The following RARB variants were observed in gnomAD, a reference collection of about 807,000 sequenced individuals.
The protein encoded by RARB is retinoic acid receptor beta.
In RARB, 17 loss-of-function variants were observed where a neutral mutation model predicts 51.9. The ratio of observed to expected loss-of-function variants is 0.33; its 90% CI spans 0.22 to 0.49. The LOEUF is 0.49. Ranked by LOEUF, RARB falls within the 20% of genes least tolerant of loss-of-function variation. The pLI, the probability that RARB is intolerant of heterozygous loss-of-function variation, is 0.99. For missense variants in RARB, 369 were observed against 550.8 expected (o/e 0.67, Z 3.30); for synonymous variants, 215 against 195.4 (o/e 1.10, Z -0.84).
chr3:25,546,681 G>C (rs1023066541), intron 3 of RARB, among the ~76,000 whole-genome samples: 6 of 152,032 alleles, frequency 3.9e-5, no homozygotes, highest in Admixed American at 1.3e-4. Flanking sequence ...GGTCACTGCA[G>C]ACAATTTGGA....
At chr3:25,474,749 T>G (rs894912453) in intron 2 of RARB, among the ~76,000 whole-genome samples, 2 of 152,214 alleles carry the variant, frequency 1.3e-5, no homozygotes, top group African/African-American at 4.8e-5. Context: ...ATTAAGTGAT[T>G]CTGCTAATTC....
Position 24,860,729 on chromosome 3 carries a change from T to C in RARB, c.-380+1977T>C, listed in dbSNP as rs148798559. 1.8e-3 allele frequency among the ~76,000 whole-genome samples: 268 copies of C among 152,268 alleles called. 1 individual carries two copies. Among genetic ancestry groups the C allele is most frequent in the African/African-American group, 6.3e-3 (261 of 41,540 alleles). ...AGAATACCCCCTAAGTATGTTGAAA[T>C]TGAGACTATTTAAAAAGGAAAGCAT... On this transcript the variant is annotated intron_variant, in intron 2 of 11. Coordinates refer to the RARB transcript ENST00000383772.
chr3:25,277,032 T>C (rs1703406481), intron 5 of RARB, among the ~76,000 whole-genome samples: 1 of 152,098 alleles, frequency 6.6e-6, no homozygotes, highest in Admixed American at 6.6e-5. Context: ...TTAAAAGAAA[T>C]AGGAATGAGG....
intron 2 of RARB, among the ~76,000 whole-genome samples, chr3:24,956,843 G>A (rs1696026936): frequency 6.6e-6 from 1 of 152,160 alleles, no homozygotes; most frequent in South Asian, 2.1e-4. Flanking sequence ...GAAGGTTATT[G>A]GAAAGTTCCT....
chr3:25,003,606 T>C (rs1028715517), intron 2 of RARB, among the ~76,000 whole-genome samples: 3 of 152,136 alleles, frequency 2.0e-5, no homozygotes, highest in African/African-American at 7.2e-5. Flanking sequence ...TTCTATGTGT[T>C]AGACACTCAT....
intron 2 of RARB, among the ~76,000 whole-genome samples, chr3:25,001,335 T>C (rs1037720096): frequency 2.0e-5 from 3 of 152,204 alleles, no homozygotes; most frequent in African/African-American, 7.2e-5. Flanking sequence ...TTCAAGAATG[T>C]GAAGGCATTC....
chr3:25,531,952 A>G (rs989617109), intron 3 of RARB, among the ~76,000 whole-genome samples: 1 of 116,356 alleles, frequency 8.6e-6, no homozygotes, highest in Admixed American at 1.2e-4. Flanking sequence ...TGTTCAGGAT[A>G]TTTGGACCTA....
intron 2 of RARB, among the ~76,000 whole-genome samples, chr3:24,909,691 A>G (rs2125378236): frequency 6.6e-6 from 1 of 151,350 alleles, no homozygotes; most frequent in East Asian, 1.9e-4. Context: ...TTTACTAGGG[A>G]TTCATCCTGT....
At chr3:25,061,768 T>C (rs1320759877) in intron 3 of RARB, among the ~76,000 whole-genome samples, 5 of 151,800 alleles carry the variant, frequency 3.3e-5, no homozygotes, top group Admixed American at 6.6e-5. Context: ...ATGACTATGG[T>C]TTACAATTTA....
intron 5 of RARB, among the ~76,000 whole-genome samples, chr3:25,182,291 A>G (rs1700877436): frequency 6.6e-6 from 1 of 152,216 alleles, no homozygotes; most frequent in African/African-American, 2.4e-5. Flanking sequence ...GAAGGGAGTT[A>G]ATAAGTGAGA....
At chr3:25,110,728 G>T (rs1253734850) in intron 3 of RARB, among the ~76,000 whole-genome samples, 1 of 152,154 alleles carries the variant, frequency 6.6e-6, no homozygotes, top group Non-Finnish European at 1.5e-5. Flanking sequence ...CAGGAAGAAG[G>T]AGTATTTAGT....
rs552615551 is a variant in RARB at position 25,509,889 on chromosome 3, C to T, written c.448+8566C>T. ...TCTGGCACCTTCCATCTCTCCTCTG[C>T]CTTATTTGGGACTCTGTGGCCTGCC... On this transcript the variant is annotated intron_variant, in intron 3 of 7. Coordinates refer to ENST00000330688, the MANE Select transcript of RARB (RefSeq NM_000965.5). Among the ~76,000 whole-genome samples, 4 of 152,272 alleles carry T rather than the reference C, an allele frequency of 2.6e-5. No homozygotes were observed. In the East Asian group the frequency reaches 7.7e-4, roughly 29 times the overall value.
intron 1 of RARB, chr3:24,833,348 AG>A (rs1458930800): frequency 1.3e-5 from 2 of 152,192 alleles, no homozygotes; most frequent in African/African-American, 4.8e-5. Flanking sequence ...CTCTAAATAA[AG>A]CTTGGATCTT....
chr3:24,904,518 G>C (rs1694806556), intron 2 of RARB, among the ~76,000 whole-genome samples: 1 of 152,224 alleles, frequency 6.6e-6, no homozygotes, highest in Non-Finnish European at 1.5e-5. Flanking sequence ...AACAATGGAT[G>C]CTGGAGAGGA....
intron 5 of RARB, among the ~76,000 whole-genome samples, chr3:25,233,532 A>G (rs1368052803): frequency 1.3e-5 from 2 of 152,002 alleles, no homozygotes; most frequent in Non-Finnish European, 2.9e-5. Context: ...TATGTCTTTT[A>G]TTTCTTTTAA....
intron 2 of RARB, among the ~76,000 whole-genome samples, chr3:24,948,928 T>A (rs1245122102): frequency 6.6e-6 from 1 of 152,106 alleles, no homozygotes; most frequent in Non-Finnish European, 1.5e-5. Flanking sequence ...TGTAGAACCA[T>A]GACAATTATA....
At chr3:24,898,487 T>C (rs898605681) in intron 2 of RARB, among the ~76,000 whole-genome samples, 36 of 152,034 alleles carry the variant, frequency 2.4e-4, no homozygotes, top group African/African-American at 8.7e-4. Context: ...AGATAGAAAT[T>C]TTAAATTTAG....
rs182373998 is a variant in RARB at position 25,102,909 on chromosome 3, G to C, written c.-327-29252G>C. Among the ~76,000 whole-genome samples the C allele has an allele frequency of 4.6e-3, 704 of 152,282 alleles. 6 individuals carry two copies. Among genetic ancestry groups the C allele is most frequent in the African/African-American group, 0.015 (631 of 41,556 alleles). ...TCTACTAAAAATACAAAATTAGCTG[G>C]TGGTGGTGATGCATGCCTGTAATCC... On this transcript the variant is annotated intron_variant, in intron 3 of 11. Coordinates refer to the RARB transcript ENST00000383772.
At chr3:24,849,151 ATT>A (rs1268565065) in intron 1 of RARB, among the ~76,000 whole-genome samples, 2 of 152,236 alleles carry the variant, frequency 1.3e-5, no homozygotes, top group Non-Finnish European at 2.9e-5. Flanking sequence ...ATGACGTTTA[ATT>A]TATAAATTAA....
Sources: gnomAD v4.1 joint callset for allele counts (sites outside exome capture counted in the v4.1 genomes callset) on GRCh38, gnomAD v4.1.1 for gene constraint, MANE v1.5 for transcripts, NCBI Gene and HGNC (gene_info 2026-07-23, HGNC 2026-07-21) for gene names.